PXDNL: variants seen among roughly 807,000 people sequenced by gnomAD.
The protein encoded by PXDNL is peroxidasin like.
In PXDNL, 145 loss-of-function variants were observed where a neutral mutation model predicts 150.8. The ratio of observed to expected loss-of-function variants is 0.96; its 90% confidence interval spans 0.84 to 1.10. The LOEUF is 1.10. Among genes scored for constraint, PXDNL ranks in the 50% least tolerant of loss-of-function variants. PXDNL has a pLI of 0.00. For synonymous variants in PXDNL, 757 were observed against 725.7 expected (o/e 1.04, Z -0.69); for missense variants, 2,087 against 1,873.9 (o/e 1.11, Z -2.10).
chr8:51,479,387 T>C (rs1810551734), intron 6 of PXDNL, among the ~76,000 whole-genome samples: 1 of 152,066 alleles, frequency 6.6e-6, no homozygotes, highest in South Asian at 2.1e-4. Flanking sequence ...AAGTAGAAAA[T>C]AATACACAAT....
intron 5 of PXDNL, among the ~76,000 whole-genome samples, chr8:51,487,282 T>C (rs1247558160): frequency 6.6e-6 from 1 of 152,084 alleles, no homozygotes; most frequent in Non-Finnish European, 1.5e-5. Flanking sequence ...ATTTTCCTCA[T>C]AAATGTTCTA....
chr8:51,542,559 A>C (rs993240709), intron 4 of PXDNL, among the ~76,000 whole-genome samples: 3 of 151,950 alleles, frequency 2.0e-5, no homozygotes, highest in African/African-American at 7.2e-5. Context: ...CTGTAATCTC[A>C]GCAATTTTGG....
chr8:51,637,842 T>C (rs1814640682), intron 2 of PXDNL, among the ~76,000 whole-genome samples: 1 of 152,046 alleles, frequency 6.6e-6, no homozygotes, highest in African/African-American at 2.4e-5. Flanking sequence ...ATTCAGGAAA[T>C]ACAGAGAACG....
intron 17 of PXDNL, among the ~76,000 whole-genome samples, chr8:51,381,416 G>A (rs1242137290): frequency 6.6e-6 from 1 of 151,992 alleles, no homozygotes; most frequent in East Asian, 1.9e-4. Context: ...TCCAAAATAA[G>A]TAAACAATAT....
chr8:51,795,610 G>A (rs1187554416), intron 1 of PXDNL, among the ~76,000 whole-genome samples: 1 of 152,184 alleles, frequency 6.6e-6, no homozygotes, highest in Non-Finnish European at 1.5e-5. Context: ...GGAACACAGA[G>A]ACAATGTACC....
intron 1 of PXDNL, among the ~76,000 whole-genome samples, chr8:51,787,377 CATTCTAA>C (rs1397652785): frequency 1.3e-5 from 2 of 152,150 alleles, no homozygotes; most frequent in Admixed American, 6.5e-5. Flanking sequence ...AAAGATTCAC[CATTCTAA>C]ATGCCATTAA....
intron 4 of PXDNL, among the ~76,000 whole-genome samples, chr8:51,502,733 G>C (rs1343805397): frequency 6.6e-6 from 1 of 151,632 alleles, no homozygotes; most frequent in Admixed American, 6.6e-5. Context: ...CTTGAGTTTA[G>C]CATAAGAATT....
At chr8:51,658,090 T>C (rs1815190063) in intron 1 of PXDNL, among the ~76,000 whole-genome samples, 1 of 152,028 alleles carries the variant, frequency 6.6e-6, no homozygotes, top group African/African-American at 2.4e-5. Context: ...ATGCCTGTAA[T>C]CCCAGCACTT....
chr8:51,365,396 T>C (rs1806883456), intron 19 of PXDNL, among the ~76,000 whole-genome samples: 1 of 152,204 alleles, frequency 6.6e-6, no homozygotes, highest in Admixed American at 6.5e-5. Context: ...AGAGATTCAG[T>C]TGTAAGGAAT....
intron 19 of PXDNL, among the ~76,000 whole-genome samples, chr8:51,346,769 G>C (rs559620071): frequency 1.3e-5 from 2 of 152,190 alleles, no homozygotes; most frequent in South Asian, 4.1e-4. Flanking sequence ...TTTTGCCTTG[G>C]CCATGAGTGA....
rs80354046 is a variant in PXDNL, at chr8:51,674,506, T to C, written c.165-19746A>G. Reference sequence around the variant, plus strand: ...CTTGGACTCAGGAGTTTTGTATTGTTCACTTAACATAAGTGACTATGATTG... The same window carrying C: ...CTTGGACTCAGGAGTTTTGTATTGTCCACTTAACATAAGTGACTATGATTG... On this transcript the variant is annotated intron_variant, in intron 1 of 22. Transcript: ENST00000356297. Among the ~76,000 whole-genome samples, 1,060 of 152,340 alleles carry C rather than the reference T, an allele frequency of 7.0e-3. 19 individuals carry two copies. Among genetic ancestry groups the C allele is most frequent in the African/African-American group, 0.024 (1,007 of 41,562 alleles).
intron 1 of PXDNL, among the ~76,000 whole-genome samples, chr8:51,708,726 T>C (rs997175968): frequency 1.3e-5 from 2 of 152,118 alleles, no homozygotes. Flanking sequence ...GACCAAAACG[T>C]TGAACTGAGA....
At chr8:51,694,406 A>C (rs915095495) in intron 1 of PXDNL, among the ~76,000 whole-genome samples, 1 of 152,176 alleles carries the variant, frequency 6.6e-6, no homozygotes, top group Non-Finnish European at 1.5e-5. Context: ...ACTCTGTGAC[A>C]CAACTGAGGG....
intron 1 of PXDNL, among the ~76,000 whole-genome samples, chr8:51,684,674 TA>T (rs1815834457): frequency 6.6e-6 from 1 of 152,200 alleles, no homozygotes; most frequent in South Asian, 2.1e-4. Context: ...ATGAGCTCTT[TA>T]AATCTGGGTC....
chr8:51,780,654 CTTTTTTT>C (rs71237240), intron 1 of PXDNL, among the ~76,000 whole-genome samples: 4 of 75,186 alleles, frequency 5.3e-5, no homozygotes, highest in Admixed American at 3.5e-4. Context: ...CTTTTCTTTT[CTTTTTTT>C]TTTTTTTTTT....
chr8:51,346,132 T>A (rs1006438080), intron 19 of PXDNL, among the ~76,000 whole-genome samples, 185 bp from the exon 20 acceptor site: 2 of 152,198 alleles, frequency 1.3e-5, no homozygotes, highest in African/African-American at 4.8e-5. Context: ...GATACCTGCT[T>A]TTGCATGTCA....
intron 1 of PXDNL, among the ~76,000 whole-genome samples, chr8:51,738,939 AAAG>A (rs563078550): frequency 8.0e-4 from 121 of 151,486 alleles, no homozygotes; most frequent in African/African-American, 2.7e-3. Context: ...GTACAAAAAA[AAAG>A]AAAACTACAC....
At chr8:51,510,766 C>T (rs1242320083) in intron 4 of PXDNL, among the ~76,000 whole-genome samples, 1 of 152,104 alleles carries the variant, frequency 6.6e-6, no homozygotes, top group Non-Finnish European at 1.5e-5. Context: ...GAGGCCAAAG[C>T]GGGTGGATCA....
chr8:51,411,332 T>C lies in PXDNL; in HGVS notation c.1980A>G (p.Arg660=). ...GCGTGTGCTCAAAAATCTCCCCTGCTCTTGCCATTTCCACAATCAGTGGGT... is the reference window on the plus strand; with the variant it reads ...GCGTGTGCTCAAAAATCTCCCCTGCCCTTGCCATTTCCACAATCAGTGGGT... ...PRDPLIVEMA[R]AGEIFEHTLQ... Residue 660 remains arginine (R), a synonymous_variant, in exon 16 of 23, where the codon AGA becomes AGG. Coordinates refer to ENST00000356297, the MANE Select transcript of PXDNL (RefSeq NM_144651.5). The C allele has an allele frequency of 6.3e-7, 1 of 1,591,076 alleles. No homozygotes were observed. Among genetic ancestry groups the C allele is most frequent in the Non-Finnish European group, 8.5e-7 (1 of 1,170,860 alleles).
Sources: gnomAD v4.1 joint callset for allele counts (sites outside exome capture counted in the v4.1 genomes callset) on GRCh38, gnomAD v4.1.1 for gene constraint, MANE v1.5 for transcripts, NCBI Gene and HGNC (gene_info 2026-07-23, HGNC 2026-07-21) for gene names.